PRKCQ: variants seen among roughly 807,000 people sequenced by gnomAD.
The protein encoded by PRKCQ is protein kinase C theta.
PRKCQ carries 41 observed loss-of-function variants against 91.2 expected under a neutral mutation model. The observed-to-expected ratio is 0.45, with a 90% CI of 0.35 to 0.58. PRKCQ has a LOEUF of 0.58. PRKCQ is among the 20% of genes least tolerant of loss of function. PRKCQ has a pLI of 0.00. For missense variants in PRKCQ, 673 were observed against 896.5 expected, an observed-to-expected ratio of 0.75 and a Z score of 3.18; for synonymous variants, 307 against 316.9, an observed-to-expected ratio of 0.97 and a Z score of 0.33.
chr10:6,418,955 A>ATATC, the PRKCQ span, among the ~76,000 whole-genome samples: 8,311 of 147,090 alleles, frequency 0.057, 246 homozygotes, highest in East Asian at 0.074. Context: ...ATCTTATCTA[A>ATATC]TATCTATCTA....
At chr10:6,474,886 A>T (rs1007780127) in intron 12 of PRKCQ, among the ~76,000 whole-genome samples, 1 of 152,226 alleles carries the variant, frequency 6.6e-6, no homozygotes, top group African/African-American at 2.4e-5. Flanking sequence ...GTTGGCTGGC[A>T]TCCGCACTGA....
intron 11 of PRKCQ, among the ~76,000 whole-genome samples, chr10:6,480,051 T>G (rs1836511832): frequency 6.6e-6 from 1 of 152,190 alleles, no homozygotes; most frequent in Non-Finnish European, 1.5e-5. Flanking sequence ...TCCTAAAATG[T>G]GACTGACACT....
intron 14 of PRKCQ, among the ~76,000 whole-genome samples, chr10:6,459,968 A>T (rs772733008): frequency 1.3e-5 from 2 of 152,270 alleles, no homozygotes; most frequent in Non-Finnish European, 2.9e-5. Context: ...TCAGTTGCCA[A>T]ATTAAAAGTT....
intron 15 of PRKCQ, among the ~76,000 whole-genome samples, chr10:6,447,203 T>C (rs1307006125): frequency 6.6e-6 from 1 of 151,422 alleles, no homozygotes; most frequent in Non-Finnish European, 1.5e-5. Flanking sequence ...GGTTAAGAGA[T>C]CGAGACCATC....
intron 1 of PRKCQ, among the ~76,000 whole-genome samples, chr10:6,546,064 C>A (rs937789533): frequency 4.6e-5 from 7 of 152,114 alleles, no homozygotes; most frequent in African/African-American, 1.7e-4. Flanking sequence ...TATTCTAGCA[C>A]AACAACAAAA....
At chr10:6,561,348 C>A (rs1541032) in intron 1 of PRKCQ, among the ~76,000 whole-genome samples, 128,205 of 140,608 alleles carry the variant, frequency 0.91, 58,949 homozygotes, top group East Asian at 1. Context: ...CAGCCTGGAC[C>A]ACCAGAGTGA....
chr10:6,563,365 C>T (rs1840706124), intron 1 of PRKCQ, among the ~76,000 whole-genome samples: 2 of 152,036 alleles, frequency 1.3e-5, no homozygotes, highest in South Asian at 2.1e-4. Context: ...GGTGCCCTGC[C>T]TTCTGAGTCC....
the PRKCQ span, among the ~76,000 whole-genome samples, chr10:6,397,432 T>G: frequency 3.3e-5 from 5 of 152,194 alleles, no homozygotes; most frequent in Admixed American, 3.3e-4. Flanking sequence ...GTCATCATAT[T>G]GTAGAGTTGT....
intron 4 of PRKCQ, among the ~76,000 whole-genome samples, chr10:6,504,084 TA>T (rs1210408917): frequency 2.0e-5 from 3 of 152,336 alleles, no homozygotes; most frequent in Admixed American, 2.0e-4. Context: ...GCCTAATTTT[TA>T]AAGAATTATA....
chr10:6,559,633 A>G (rs1404501591), intron 1 of PRKCQ, among the ~76,000 whole-genome samples: 1 of 152,196 alleles, frequency 6.6e-6, no homozygotes, highest in African/African-American at 2.4e-5. Context: ...TGCTGAGATT[A>G]CAGGTGTGAG....
At chr10:6,519,041 A>ATG (rs1361074187) in intron 1 of PRKCQ, among the ~76,000 whole-genome samples, 1 of 152,196 alleles carries the variant, frequency 6.6e-6, no homozygotes, top group African/African-American at 2.4e-5. Context: ...ATGTATGTAT[A>ATG]TGTGTGGATG....
At position 6,430,872 on chromosome 10, in the gene PRKCQ, G is replaced by A. The variant is rs753492294; in HGVS notation, c.1903C>T (p.Arg635Trp). The A allele has an allele frequency of 2.7e-5, 44 of 1,614,014 alleles. No homozygotes were observed. The highest frequency in any genetic ancestry group is 1.9e-5 in the Non-Finnish European group (23 of 1,180,036). The part of the protein sequence containing the change: ...RGDIRQHPLF[R>W]EINWEELERK... ...TCAAGTTCCTCCCAGTTGATCTCCC[G>A]AAACAAAGGGTGCTGGCGGATGTCT... The change falls in exon 17 of 18, where the codon CGG (arginine) becomes TGG (tryptophan). Residue 635 changes from arginine (R) to tryptophan (W), a missense_variant. Transcript: ENST00000263125. This position sits in a 1 kb window ranked among gnomAD's most constrained non-coding sequence, Gnocchi z 4.7.
chr10:6,554,743 AC>A (rs1840341523), intron 1 of PRKCQ, among the ~76,000 whole-genome samples: 1 of 152,230 alleles, frequency 6.6e-6, no homozygotes, highest in South Asian at 2.1e-4. Context: ...TACTAAGTCT[AC>A]AAAGAATCTA....
At chr10:6,435,046 C>A (rs937571061) in intron 16 of PRKCQ, among the ~76,000 whole-genome samples, 1 of 152,126 alleles carries the variant, frequency 6.6e-6, no homozygotes, top group South Asian at 2.1e-4. Context: ...TCCCGAGTAG[C>A]TGGGACTACA....
the PRKCQ span, among the ~76,000 whole-genome samples, chr10:6,407,502 G>A: frequency 1.3e-5 from 2 of 151,228 alleles, no homozygotes; most frequent in Admixed American, 6.6e-5. This position sits in a 1 kb window ranked among gnomAD's most constrained non-coding sequence, Gnocchi z 4.0. Context: ...TGTATGGTGT[G>A]TATGTATGGT....
At chr10:6,579,854 TTA>T (rs1491268120) in intron 1 of PRKCQ, among the ~76,000 whole-genome samples, 1 of 150,940 alleles carries the variant, frequency 6.6e-6, no homozygotes, top group Admixed American at 6.6e-5. Context: ...TTTTTTTTTT[TTA>T]CCAAGAATAC....
intron 3 of PRKCQ, among the ~76,000 whole-genome samples, chr10:6,507,778 C>T (rs1471335441): frequency 6.6e-6 from 1 of 152,200 alleles, no homozygotes; most frequent in Non-Finnish European, 1.5e-5. Context: ...GGTTTTCTTG[C>T]CCTGTAATGC....
At chr10:6,478,022 A>T (rs1202550026) in intron 12 of PRKCQ, among the ~76,000 whole-genome samples, 1 of 152,240 alleles carries the variant, frequency 6.6e-6, no homozygotes, top group African/African-American at 2.4e-5. Context: ...GGCAGAGAGG[A>T]GACAAACCAG....
intron 1 of PRKCQ, among the ~76,000 whole-genome samples, chr10:6,548,186 C>T (rs1455676751): frequency 5.3e-5 from 8 of 150,716 alleles, no homozygotes; most frequent in Admixed American, 4.0e-4. Context: ...CAATGAGATA[C>T]CATCTCACAC....
Sources: gnomAD v4.1 joint callset for allele counts (sites outside exome capture counted in the v4.1 genomes callset) on GRCh38, gnomAD v4.1.1 for gene constraint, Gnocchi (gnomAD v3.1) non-coding constraint, MANE v1.5 for transcripts, NCBI Gene and HGNC (gene_info 2026-07-23, HGNC 2026-07-21) for gene names.